Variants in JMJD1C observed in about 807,000 individuals in gnomAD.
JMJD1C encodes jumonji domain containing 1C.
Under a neutral mutation model 245.3 loss-of-function variants are expected in JMJD1C, and 31 were observed. That is an observed-to-expected ratio of 0.13 (90% CI 0.09 to 0.17). The LOEUF (loss-of-function observed/expected upper bound fraction) is 0.17. JMJD1C is among the 10% of genes least tolerant of loss of function. JMJD1C has a pLI of 1.00. For missense variants in JMJD1C, 2,691 were observed against 3,000.2 expected (o/e 0.90, Z 2.41); for synonymous variants, 1,057 against 1,017.4 (o/e 1.04, Z -0.74).
At chr10:63,380,182 A>G in intron 2 of JMJD1C, 136 bp downstream of exon 2, 1 of 792,360 alleles carries the variant, frequency 1.3e-6, no homozygotes, top group Non-Finnish European at 2.1e-6. Context: ...GGCTTCAAGC[A>G]ATTGTCCTGC....
chr10:63,205,242 T>C lies in JMJD1C; in HGVS notation c.5074+1353A>G, dbSNP rs544779275. ...ACAAGCCTCCCCTTATGTTAATTTT[T>C]ACCTATTGTTAAGGACTGTTTGAAT... On this transcript the variant is annotated intron_variant, in intron 10 of 25. Transcript: ENST00000399262. Among the ~76,000 whole-genome samples the C allele has an allele frequency of 5.9e-5, 9 of 152,354 alleles. No homozygotes were observed. In the South Asian group the frequency reaches 1.7e-3, roughly 28 times the overall value.
chr10:63,262,546 G>A (rs1854916317), intron 3 of JMJD1C, among the ~76,000 whole-genome samples: 1 of 152,064 alleles, frequency 6.6e-6, no homozygotes, highest in Non-Finnish European at 1.5e-5. Flanking sequence ...TAAAACTAAG[G>A]TATGCTAGAT....
chr10:63,217,383 T>G lies in JMJD1C; in HGVS notation c.554-52A>C, dbSNP rs560225403. On this transcript the variant is annotated intron_variant, in intron 4 of 25. Coordinates refer to ENST00000399262, the MANE Select transcript of JMJD1C (RefSeq NM_032776.3). The stretch of plus-strand genomic sequence containing the variant: ...CATCTTAAATGGAGACATCTTCATT[T>G]AATAACTGCCTTTTAGAAGAAACAT... 25 of 1,416,960 alleles carry G rather than the reference T, an allele frequency of 1.8e-5. No individual in the cohort carries two copies. In the East Asian group the frequency reaches 5.3e-4, roughly 30 times the overall value. The allele number at this position is 1,416,960 out of a possible 1,614,324, so 87.8% of individuals were successfully genotyped here.
intron 2 of JMJD1C, among the ~76,000 whole-genome samples, chr10:63,365,642 G>T (rs1251396739): frequency 6.6e-6 from 1 of 151,946 alleles, no homozygotes; most frequent in Non-Finnish European, 1.5e-5. Flanking sequence ...GGACTATTTG[G>T]GTTCCATTTT....
intron 1 of JMJD1C, among the ~76,000 whole-genome samples, chr10:63,385,460 T>C (rs952303830): frequency 9.8e-5 from 12 of 122,146 alleles, no homozygotes; most frequent in African/African-American, 3.8e-4. Flanking sequence ...TTTTAAGAGA[T>C]AGGGTCTTGC....
chr10:63,220,018 C>T (rs768288353), intron 3 of JMJD1C, 35 bp from the exon 4 acceptor site: 22 of 1,459,968 alleles, frequency 1.5e-5, no homozygotes, highest in Middle Eastern at 1.7e-4. Context: ...GTCCATGTTA[C>T]GCTCTCCTAC....
At chr10:63,518,436 G>C (rs368371560) in intron 1 of JMJD1C, among the ~76,000 whole-genome samples, 1 of 152,084 alleles carries the variant, frequency 6.6e-6, no homozygotes, top group African/African-American at 2.4e-5. Context: ...CATATATTTC[G>C]ACGTGGGGCA....
intron 1 of JMJD1C, among the ~76,000 whole-genome samples, chr10:63,499,126 C>T (rs2133242172): frequency 6.6e-6 from 1 of 152,312 alleles, no homozygotes; most frequent in Non-Finnish European, 1.5e-5. Flanking sequence ...ATCAATGGGA[C>T]ATCTAGGTTG....
rs190872338 is a variant in JMJD1C, at chr10:63,197,208, G to C, written c.5644+203C>G. On this transcript the variant is annotated intron_variant, in intron 13 of 25. Transcript: ENST00000399262. ...AGAAGATGGATATACTCATGAGGCT[G>C]ATGGGTGTAGATGCAATTTAATTCT... 4.8e-3 allele frequency among the ~76,000 whole-genome samples: 733 copies of C among 152,204 alleles called. 4 individuals carry two copies. The highest frequency in any genetic ancestry group is 5.5e-3 in the Admixed American group (84 of 15,294).
rs149763976 is a variant in JMJD1C, at chr10:63,465,715, A to C, written c.-53T>G. The C allele has an allele frequency of 9.3e-5, 148 of 1,590,994 alleles. No individual in the cohort carries two copies. The African/African-American group carries it at 1.7e-3, about 18-fold the overall frequency. ...CTCCTCCAGTGCGAGGGAACCGATG[A>C]AACCTCACTCCTACCGGCCGCTCAT... On this transcript the variant is annotated 5_prime_UTR_variant, in exon 1 of 26. Transcript: ENST00000399262.
At chr10:63,244,841 T>C (rs987549247) in intron 3 of JMJD1C, among the ~76,000 whole-genome samples, 3 of 147,864 alleles carry the variant, frequency 2.0e-5, no homozygotes, top group Non-Finnish European at 3.0e-5. Flanking sequence ...GGGAGAACAA[T>C]TAAAAGAAAT....
chr10:63,334,445 A>G (rs1942482420), intron 2 of JMJD1C, among the ~76,000 whole-genome samples: 1 of 152,130 alleles, frequency 6.6e-6, no homozygotes, highest in Non-Finnish European at 1.5e-5. Flanking sequence ...AAAATTATCT[A>G]TTTTGTTGTT....
chr10:63,508,792 A>G (rs1954793911), intron 1 of JMJD1C, among the ~76,000 whole-genome samples: 2 of 152,210 alleles, frequency 1.3e-5, no homozygotes, highest in Admixed American at 6.5e-5. Context: ...ACTGCTGGCA[A>G]TAAGAGAAAG....
chr10:63,196,975 T>A lies in JMJD1C; in HGVS notation c.5644+436A>T, dbSNP rs536222073. Reference sequence around the variant, plus strand: ...CCATGCGCAGCTCATTTTTTGTATTTTTTTTTTGTAGAGATGGGGGTTTTG... The same window carrying A: ...CCATGCGCAGCTCATTTTTTGTATTATTTTTTTGTAGAGATGGGGGTTTTG... On this transcript the variant is annotated intron_variant, in intron 13 of 25. Transcript: ENST00000399262. 3.3e-5 allele frequency among the ~76,000 whole-genome samples: 5 copies of A among 152,120 alleles called. No homozygotes were observed. In the South Asian group the frequency reaches 1.0e-3, roughly 32 times the overall value.
chr10:63,441,087 G>T (rs1453065418), intron 1 of JMJD1C, among the ~76,000 whole-genome samples: 2 of 152,158 alleles, frequency 1.3e-5, no homozygotes, highest in East Asian at 3.8e-4. Flanking sequence ...AAGGCAAAGG[G>T]ATTGTAGGAA....
At chr10:63,405,111 A>T (rs1476516241) in intron 1 of JMJD1C, among the ~76,000 whole-genome samples, 1 of 152,196 alleles carries the variant, frequency 6.6e-6, no homozygotes, top group African/African-American at 2.4e-5. Context: ...TAAATTTAAG[A>T]AGTTTATACA....
rs146109454 is a variant in JMJD1C at position 63,171,986 on chromosome 10, C to T, written c.7402-3420G>A. On this transcript the variant is annotated intron_variant, in intron 24 of 25. Transcript: ENST00000399262. Reference sequence around the variant, plus strand: ...GCCACCAATTGTGAATTACGGACAACATCCTTTCAACAGAGTATAAAGAGC... The same window carrying T: ...GCCACCAATTGTGAATTACGGACAATATCCTTTCAACAGAGTATAAAGAGC... Among the ~76,000 whole-genome samples, 393 of 152,330 alleles carry T rather than the reference C, an allele frequency of 2.6e-3. 3 individuals are homozygous for T. In the South Asian group the frequency reaches 0.034, roughly 13 times the overall value.
At chr10:63,367,177 G>T (rs1390487164) in intron 2 of JMJD1C, among the ~76,000 whole-genome samples, 1 of 152,136 alleles carries the variant, frequency 6.6e-6, no homozygotes, top group African/African-American at 2.4e-5. Context: ...GCCCCTGCTG[G>T]TCTCCTTCCA....
At chr10:63,395,962 A>G (rs1038021086) in intron 1 of JMJD1C, among the ~76,000 whole-genome samples, 3 of 152,162 alleles carry the variant, frequency 2.0e-5, no homozygotes, top group Admixed American at 2.0e-4. Flanking sequence ...TGGTAGCAAA[A>G]GTAATTTTAT....
Sources: gnomAD v4.1 joint callset for allele counts (sites outside exome capture counted in the v4.1 genomes callset) on GRCh38, gnomAD v4.1.1 for gene constraint, MANE v1.5 for transcripts, NCBI Gene and HGNC (gene_info 2026-07-23, HGNC 2026-07-21) for gene names.